The following SNORC variants were observed in gnomAD, a reference collection of about 807,000 sequenced individuals.
The protein encoded by SNORC is secondary ossification center associated regulator of chondrocyte maturation, also known as protein SNORC.
In SNORC, 11 loss-of-function variants were observed where a neutral mutation model predicts 9.7. The ratio of observed to expected loss-of-function variants is 1.14; its 90% confidence interval spans 0.72 to 1.88. The LOEUF is 1.88. Ranked by LOEUF, SNORC falls within the 40% of genes most tolerant of loss-of-function variation. SNORC has a pLI of 0.00. For missense variants in SNORC, 197 were observed against 173.1 expected, an observed-to-expected ratio of 1.14 and a Z score of -0.77; for synonymous variants, 108 against 88.7, an observed-to-expected ratio of 1.22 and a Z score of -1.22.
At chr2:232,868,150 CTTTTTT>C (rs35855568), upstream of SNORC, among the ~76,000 whole-genome samples, 2 of 130,042 alleles carry the variant, frequency 1.5e-5, no homozygotes, top group Non-Finnish European at 3.3e-5. Context: ...GTCATTTCAT[CTTTTTT>C]TTTTTTTTTT....
At chr2:232,873,986 GT>G (rs1691123763) in intron 1 of SNORC, among the ~76,000 whole-genome samples, 1 of 152,234 alleles carries the variant, frequency 6.6e-6, no homozygotes, top group Admixed American at 6.5e-5. Context: ...CTGGAAAGGG[GT>G]TCTGCCTTGG....
rs1464533595 is a variant in SNORC at position 232,876,260 on chromosome 2, C to T, written c.270C>T (p.Pro90=). The T allele has an allele frequency of 5.9e-6, 9 of 1,513,208 alleles. No individual in the cohort carries two copies. The highest frequency in any genetic ancestry group is 7.9e-6 in the Non-Finnish European group (9 of 1,136,170). The allele number at this position is 1,513,208 out of a possible 1,614,324, so 93.7% of individuals were successfully genotyped here. Reference sequence around the variant, plus strand: ...CGTCCTCCGCAGGGTCGCTGGGGCCCGGCGCTATCGCGGCCATCGTGATCG... The same window carrying T: ...CGTCCTCCGCAGGGTCGCTGGGGCCTGGCGCTATCGCGGCCATCGTGATCG... Residue 90 remains proline (P), a synonymous_variant, in exon 3 of 3, where the codon CCC becomes CCT. Transcript: ENST00000331342. This position sits in a 1 kb window ranked among gnomAD's most constrained non-coding sequence, Gnocchi z 6.8.
chr2:232,876,720 C>A (rs1477638598), downstream of SNORC: 1 of 987,176 alleles, frequency 1.0e-6, no homozygotes, highest in Admixed American at 6.1e-5. The surrounding 1 kb of genome is among the most constrained non-coding windows in gnomAD (Gnocchi z 6.8). Flanking sequence ...GCGCGTGCGC[C>A]GGGGCCGCCA....
chr2:232,866,702 G>C (rs1559178300), upstream of SNORC, among the ~76,000 whole-genome samples: 1 of 150,740 alleles, frequency 6.6e-6, no homozygotes, highest in African/African-American at 2.4e-5. Context: ...AACACCCTTT[G>C]AAAAAAAAAG....
At chr2:232,871,629 C>A (rs1054058299) in intron 1 of SNORC, among the ~76,000 whole-genome samples, 1 of 152,196 alleles carries the variant, frequency 6.6e-6, no homozygotes, top group Non-Finnish European at 1.5e-5. Context: ...GCGCCAGCCT[C>A]CCTTGTGGTG....
At chr2:232,876,647 C>T, downstream of SNORC, 1 of 1,024,122 alleles carries the variant, frequency 9.8e-7, no homozygotes, top group Non-Finnish European at 1.2e-6. This position sits in a 1 kb window ranked among gnomAD's most constrained non-coding sequence, Gnocchi z 6.8. Context: ...GGCCGCGCGG[C>T]TCGGCGTCCC....
upstream of SNORC, among the ~76,000 whole-genome samples, chr2:232,867,623 C>CGCA (rs1690903440): frequency 6.6e-6 from 1 of 152,182 alleles, no homozygotes; most frequent in African/African-American, 2.4e-5. Flanking sequence ...TAGTGGAGCA[C>CGCA]GCAGCAGCAG....
chr2:232,876,363 T>A lies in SNORC; in HGVS notation c.*7T>A. The A allele has an allele frequency of 6.6e-7, 1 of 1,521,574 alleles. No homozygotes were observed. The allele number at this position is 1,521,574 out of a possible 1,614,324, so 94.3% of individuals were successfully genotyped here. On this transcript the variant is annotated 3_prime_UTR_variant, in exon 3 of 3. Coordinates refer to ENST00000331342, the Ensembl canonical transcript of SNORC. The surrounding 1 kb of genome is among the most constrained non-coding windows in gnomAD (Gnocchi z 6.8). ...AAAGTTTTCTGCCTCCTGAAGCGAA[T>A]AAAGGGGCCGCGCCCGGCCGCGGCG...
At position 232,873,507 on chromosome 2, in the gene SNORC, G is replaced by A. The variant is rs545154820; in HGVS notation, c.74-2433G>A. Among the ~76,000 whole-genome samples the A allele has an allele frequency of 2.0e-4, 31 of 152,278 alleles. No homozygotes were observed. The South Asian group carries it at 5.4e-3, about 26-fold the overall frequency. ...AGGGGCTGGAGGCCTGCCACTCCTC[G>A]GCTGATTCCCGCAGATGCCACCCGG... On this transcript the variant is annotated intron_variant, in intron 1 of 2. Coordinates refer to ENST00000331342, the Ensembl canonical transcript of SNORC.
downstream of SNORC, chr2:232,877,730 C>T (rs1691330950): frequency 6.6e-6 from 1 of 152,260 alleles, no homozygotes; most frequent in South Asian, 2.1e-4. Flanking sequence ...TTAACAGCTT[C>T]CCACTCAACC....
rs1026208942 is a variant in SNORC at position 232,876,389 on chromosome 2, C to G, written c.*33C>G. The G allele has an allele frequency of 6.6e-7, 1 of 1,512,794 alleles. No individual in the cohort carries two copies. The highest frequency in any genetic ancestry group is 2.7e-5 in the East Asian group (1 of 37,230). The allele number at this position is 1,512,794 out of a possible 1,614,324, so 93.7% of individuals were successfully genotyped here. ...AAAGGGGCCGCGCCCGGCCGCGGCG[C>G]GACTCGGCTGCACTCCTCACGCGCC... On this transcript the variant is annotated 3_prime_UTR_variant, in exon 3 of 3. Transcript: ENST00000331342. This position sits in a 1 kb window ranked among gnomAD's most constrained non-coding sequence, Gnocchi z 6.8.
chr2:232,877,438 C>A, downstream of SNORC: 3 of 865,338 alleles, frequency 3.5e-6, no homozygotes, highest in Non-Finnish European at 4.2e-6. Flanking sequence ...GTCCCCAGGG[C>A]CTTTGGAGGG....
At chr2:232,876,988 T>G (rs2106198727), downstream of SNORC, 1 of 985,460 alleles carries the variant, frequency 1.0e-6, no homozygotes, top group Non-Finnish European at 1.2e-6. The surrounding 1 kb of genome is among the most constrained non-coding windows in gnomAD (Gnocchi z 6.8). Flanking sequence ...AGGCCGGGGT[T>G]GGGGAGGGCA....
intron 1 of SNORC, among the ~76,000 whole-genome samples, chr2:232,871,276 G>A (rs925820675): frequency 6.6e-6 from 1 of 152,144 alleles, no homozygotes; most frequent in Non-Finnish European, 1.5e-5. Flanking sequence ...GCCTGGGGAG[G>A]CCCCCTCGGC....
chr2:232,877,876 CGA>C (rs1184802330), downstream of SNORC: 1 of 152,296 alleles, frequency 6.6e-6, no homozygotes, highest in African/African-American at 2.4e-5. Flanking sequence ...TCAGAGCGGA[CGA>C]TCCAACCCAA....
chr2:232,871,065 C>G (rs567473580), intron 1 of SNORC, among the ~76,000 whole-genome samples: 25 of 152,214 alleles, frequency 1.6e-4, no homozygotes, highest in Non-Finnish European at 3.2e-4. Context: ...GCCTGAGAGA[C>G]AAAGGGCGCA....
At chr2:232,875,707 A>T (rs1574974266) in intron 1 of SNORC, 1 of 560,950 alleles carries the variant, frequency 1.8e-6, no homozygotes, top group South Asian at 2.3e-5. Context: ...TGTGGGGGGC[A>T]CCTCCCTTAC....
chr2:232,870,523 GA>G, intron 1 of SNORC, 109 bp downstream of exon 1: 5 of 1,075,578 alleles, frequency 4.6e-6, no homozygotes, highest in Non-Finnish European at 6.8e-6. Context: ...TCTCACAGGA[GA>G]TGGGATGACT....
chr2:232,870,386 C>G (rs779387952), exon 1 of SNORC: 1 of 1,572,198 alleles, frequency 6.4e-7, no homozygotes. Context: ...TGCTGGTCTC[C>G]GGGGTTCTGG....
Sources: allele counts gnomAD v4.1 joint callset (sites outside exome capture counted in the v4.1 genomes callset), GRCh38; gene constraint gnomAD v4.1.1; non-coding constraint Gnocchi (gnomAD v3.1); transcripts MANE v1.5; gene names NCBI Gene and HGNC (gene_info 2026-07-23, HGNC 2026-07-21).